The following GABRD variants were observed in gnomAD, a reference collection of about 807,000 sequenced individuals.
The protein encoded by GABRD is gamma-aminobutyric acid receptor subunit delta.
GABRD carries 25 observed loss-of-function variants against 47.3 expected under a neutral mutation model. That is an observed-to-expected ratio of 0.53 (90% CI 0.39 to 0.74). The LOEUF (loss-of-function observed/expected upper bound fraction) is 0.74, where lower values mean the gene tolerates loss of function less well. Ranked by LOEUF, GABRD falls within the 30% of genes least tolerant of loss-of-function variation. GABRD has a pLI of 0.00. For missense variants in GABRD, 497 were observed against 643.4 expected (o/e 0.77, Z 2.46); for synonymous variants, 314 against 278.8 (o/e 1.13, Z -1.26).
chr1:2,021,987 G>T (rs1333649773), intron 1 of GABRD, among the ~76,000 whole-genome samples: 1 of 152,166 alleles, frequency 6.6e-6, no homozygotes, highest in Admixed American at 6.5e-5. Flanking sequence ...ACCCGAGGGG[G>T]AAGCTGCCAT....
At position 2,029,972 on chromosome 1, in the gene GABRD, C is replaced by G; in HGVS notation, c.1060-11C>G. The G allele has an allele frequency of 1.2e-5, 20 of 1,612,086 alleles. No homozygotes were observed. Among genetic ancestry groups the G allele is most frequent in the Non-Finnish European group, 1.7e-5 (20 of 1,179,552 alleles). On this transcript the variant is annotated splice_polypyrimidine_tract_variant and intron_variant, in intron 8 of 8. Coordinates refer to ENST00000378585, the MANE Select transcript of GABRD (RefSeq NM_000815.5). ...TGCTCAGCCCTGTCTCCCCCACCGG[C>G]CTTCGTGCAGATGGACGTGAGGAAC...
In GABRD at chr1:2,028,086, G is replaced by C; in HGVS notation, c.554-69G>C. On this transcript the variant is annotated intron_variant, in intron 5 of 8. Coordinates refer to ENST00000378585, the MANE Select transcript of GABRD (RefSeq NM_000815.5). The surrounding 1 kb of genome is among the most constrained non-coding windows in gnomAD (Gnocchi z 6.4). ...CCCCCTGCAGGCTTCCTGTGTGGAC[G>C]GAGCGCTCCTGCCAGGGCTCCCGGG... 2 of 1,545,030 alleles carry C rather than the reference G, an allele frequency of 1.3e-6. No homozygotes were observed. Among genetic ancestry groups the C allele is most frequent in the Non-Finnish European group, 1.8e-6 (2 of 1,136,258 alleles).
intron 4 of GABRD, 72 bp from the exon 5 acceptor site, chr1:2,027,505 C>T: frequency 4.8e-6 from 6 of 1,261,852 alleles, no homozygotes; most frequent in Non-Finnish European, 6.8e-6. Flanking sequence ...GGCATCTCTG[C>T]AGGGGAACTG....
At chr1:2,029,893 G>T in intron 8 of GABRD, 90 bp from the exon 9 acceptor site, 1 of 1,560,048 alleles carries the variant, frequency 6.4e-7, no homozygotes, top group Non-Finnish European at 8.8e-7. Context: ...TGGTCCAGGC[G>T]GGGCCCCCGC....
intron 4 of GABRD, among the ~76,000 whole-genome samples, chr1:2,026,287 G>A (rs377607053): frequency 5.6e-4 from 85 of 152,290 alleles, no homozygotes; most frequent in African/African-American, 2.0e-3. Flanking sequence ...TCGTTACTCA[G>A]CATCACGTCC....
rs1337529984 is a variant in GABRD at position 2,024,922 on chromosome 1, C to T, written c.69-20C>T. The T allele has an allele frequency of 1.3e-6, 2 of 1,558,534 alleles. No homozygotes were observed. The highest frequency in any genetic ancestry group is 8.8e-7 in the Non-Finnish European group (1 of 1,130,614). ...TAAATTAAGTCCTGGCCTGTCTGAC[C>T]GGTGGCTTTGCATCCCCAGAGCGAT... On this transcript the variant is annotated intron_variant, in intron 1 of 8. Transcript: ENST00000378585.
At chr1:2,026,444 A>G (rs1177079157) in intron 4 of GABRD, 1 of 152,384 alleles carries the variant, frequency 6.6e-6, no homozygotes, top group East Asian at 1.9e-4. Flanking sequence ...GCGAATGTGA[A>G]AACACTGCTA....
chr1:2,019,431 C>T lies in GABRD; in HGVS notation c.8C>T (p.Ala3Val), dbSNP rs1658714001. Residue 3 changes from alanine to valine, a missense_variant, in exon 1 of 9, where the codon GCG becomes GTG. By Grantham distance (64) the Ala-to-Val change is moderately conservative (BLOSUM62 0). Coordinates refer to ENST00000378585, the MANE Select transcript of GABRD (RefSeq NM_000815.5). MD[A>V]PARLLAPLLL... is the part of the protein sequence containing the mutation. ...CCCGAGCCCGCCGCGGCCATGGACGCGCCCGCCCGGCTGCTGGCCCCGCTC... is the reference window on the plus strand; with the variant it reads ...CCCGAGCCCGCCGCGGCCATGGACGTGCCCGCCCGGCTGCTGGCCCCGCTC... 2.7e-6 allele frequency: 3 copies of T among 1,096,084 alleles called. No homozygotes were observed. Among genetic ancestry groups the T allele is most frequent in the African/African-American group, 1.7e-5 (1 of 59,100 alleles). 67.9% of individuals were successfully genotyped at this position (1,096,084 alleles called of 1,614,324 possible).
At chr1:2,027,350 T>G in intron 4 of GABRD, 1 of 579,304 alleles carries the variant, frequency 1.7e-6, no homozygotes, top group Non-Finnish European at 3.1e-6. Context: ...TAGTCAAGCG[T>G]TTTGAAGAGA....
chr1:2,028,326 C>A lies in GABRD; in HGVS notation c.691+34C>A. On this transcript the variant is annotated intron_variant, in intron 6 of 8. Transcript: ENST00000378585. This position sits in a 1 kb window ranked among gnomAD's most constrained non-coding sequence, Gnocchi z 6.4. ...TGCCCGCCGCCCCTTCCGCATGTGC[C>A]CGCCGCCCCTTCCGCGCGCGCCCAC... The A allele has an allele frequency of 1.3e-6, 2 of 1,587,604 alleles. No individual in the cohort carries two copies. Among genetic ancestry groups the A allele is most frequent in the South Asian group, 1.1e-5 (1 of 89,406 alleles).
In GABRD at chr1:2,025,723, T is replaced by C; in HGVS notation, c.455T>C (p.Ile152Thr). The C allele has an allele frequency of 6.2e-7, 1 of 1,612,732 alleles. No individual in the cohort carries two copies. The highest frequency in any genetic ancestry group is 1.1e-5 in the South Asian group (1 of 91,082). Residue 152 changes from isoleucine (I) to threonine (T), a missense_variant, in exon 4 of 9, where the codon ATC (isoleucine) becomes ACC (threonine). Physicochemically the swap from Ile to Thr is moderately conservative, Grantham distance 89 (BLOSUM62 -1). Transcript: ENST00000378585. ...KLIRLQPDGV[I>T]LYSIRITSTV... ...ATCCGGCTGCAGCCCGACGGCGTGA[T>C]CCTGTACAGCATCCGGTGAGCGGGC...
chr1:2,027,280 C>A, intron 4 of GABRD: 1 of 473,150 alleles, frequency 2.1e-6, no homozygotes, highest in Non-Finnish European at 3.9e-6. Flanking sequence ...AGCCATCGCT[C>A]GGGCCAGGGC....
chr1:2,019,630 C>T (rs949074375), intron 1 of GABRD, 139 bp downstream of exon 1: 3 of 391,642 alleles, frequency 7.7e-6, no homozygotes, highest in East Asian at 1.1e-4. Flanking sequence ...TCCTCCCTCC[C>T]CGGGGTCTTG....
At chr1:2,027,936 C>G (rs1353886173) in intron 5 of GABRD, 3 of 616,348 alleles carry the variant, frequency 4.9e-6, no homozygotes, top group Non-Finnish European at 8.6e-6. Flanking sequence ...CTGTGTGTCA[C>G]CTGACAACGG....
At chr1:2,025,087 C>T in intron 2 of GABRD, 33 bp downstream of exon 2, 1 of 1,555,320 alleles carries the variant, frequency 6.4e-7, no homozygotes, top group Non-Finnish European at 8.8e-7. Flanking sequence ...CAGGCAGGAG[C>T]CGCTGGAGCC....
rs1392591761 is a variant in GABRD, at chr1:2,029,728, A to T, written c.1025A>T (p.Lys342Met). The change falls in exon 8 of 9, where the codon AAG (lysine) becomes ATG (methionine). Residue 342 changes from lysine (K) to methionine (M), a missense_variant. Coordinates refer to ENST00000378585, the MANE Select transcript of GABRD (RefSeq NM_000815.5). ...HFNADYRKKQKAKVKVSRPRA... is the reference protein window; with the variant it reads ...HFNADYRKKQMAKVKVSRPRA... ...AACGCCGACTACAGGAAGAAGCAGA[A>T]GGCCAAGGTCAAGGTCTCCAGGCCG... 6.2e-7 allele frequency: 1 copy of T among 1,613,306 alleles called. No homozygotes were observed. Among genetic ancestry groups the T allele is most frequent in the South Asian group, 1.1e-5 (1 of 91,092 alleles).
chr1:2,025,830 G>C, intron 4 of GABRD, 92 bp downstream of exon 4: 1 of 1,183,796 alleles, frequency 8.4e-7, no homozygotes, highest in Non-Finnish European at 1.2e-6. Context: ...AAGCTCGAGC[G>C]GCTTCTGCTG....
chr1:2,022,660 T>A (rs1407874908), intron 1 of GABRD, among the ~76,000 whole-genome samples: 1 of 152,264 alleles, frequency 6.6e-6, no homozygotes. Context: ...TCAAGGCAAC[T>A]GCCATTTGCA....
rs1484864539 is a variant in GABRD, at chr1:2,025,670, C to T, written c.402C>T (p.Phe134=). 6.2e-7 allele frequency: 1 copy of T among 1,613,034 alleles called. No individual in the cohort carries two copies. The highest frequency in any genetic ancestry group is 8.5e-7 in the Non-Finnish European group (1 of 1,180,008). The part of the protein sequence containing the change: ...TFIVNAKSAW[F]HDVTVENKLI... The stretch of plus-strand genomic sequence containing the variant: ...TCGTGAACGCCAAGTCGGCCTGGTT[C>T]CACGACGTGACGGTGGAGAACAAGC... Residue 134 remains phenylalanine, a synonymous_variant, in exon 4 of 9, where the codon TTC becomes TTT. Coordinates refer to ENST00000378585, the MANE Select transcript of GABRD (RefSeq NM_000815.5).
Sources: allele counts gnomAD v4.1 joint callset (sites outside exome capture counted in the v4.1 genomes callset), GRCh38; gene constraint gnomAD v4.1.1; non-coding constraint Gnocchi (gnomAD v3.1); transcripts MANE v1.5; gene names NCBI Gene and HGNC (gene_info 2026-07-23, HGNC 2026-07-21).